The following HELQ variants were observed in gnomAD, a reference collection of about 807,000 sequenced individuals.
The protein encoded by HELQ is helicase, POLQ like.
In HELQ, 77 loss-of-function variants were observed where a neutral mutation model predicts 111.6. The ratio of observed to expected loss-of-function variants is 0.69; its 90% CI spans 0.57 to 0.83. The LOEUF (loss-of-function observed/expected upper bound fraction) is 0.83. Ranked by LOEUF, HELQ falls within the 40% of genes least tolerant of loss-of-function variation. The pLI, the probability that HELQ is intolerant of heterozygous loss-of-function variation, is 0.00. For synonymous variants in HELQ, 438 were observed against 454.7 expected, an observed-to-expected ratio of 0.96 and a Z score of 0.47; for missense variants, 1,200 against 1,288.5, an observed-to-expected ratio of 0.93 and a Z score of 1.05.
chr4:83,445,910 G>T, intron 5 of HELQ, 104 bp downstream of exon 5: 1 of 713,664 alleles, frequency 1.4e-6, no homozygotes, highest in Non-Finnish European at 2.4e-6. Flanking sequence ...AAAAGCTTAA[G>T]TATCTTGCTT....
intron 9 of HELQ, among the ~76,000 whole-genome samples, chr4:83,435,735 GAGT>G (rs1720418188): frequency 6.6e-6 from 1 of 152,138 alleles, no homozygotes; most frequent in Non-Finnish European, 1.5e-5. Context: ...TCATGGGGCA[GAGT>G]AGAATATACT....
intron 3 of HELQ, 22 bp downstream of exon 3, chr4:83,448,761 T>A (rs748310774): frequency 6.3e-6 from 10 of 1,585,728 alleles, no homozygotes; most frequent in Non-Finnish European, 8.6e-6. Flanking sequence ...ACATTTGTTT[T>A]AAAACATACA....
In HELQ at chr4:83,453,568, T is replaced by C. The variant is rs761261075; in HGVS notation, c.675A>G (p.Ser225=). Residue 225 remains serine, a synonymous_variant, in exon 2 of 18, where the codon TCA becomes TCG. Transcript: ENST00000295488. The part of the protein sequence containing the change: ...DHSMKERDWK[S]SSHNTVNEEL... ...CCTCATTCACAGTGTTGTGAGAGGATGACTTCCAATCCCTTTCTTTCATAG... is the reference window on the plus strand; with the variant it reads ...CCTCATTCACAGTGTTGTGAGAGGACGACTTCCAATCCCTTTCTTTCATAG... The C allele has an allele frequency of 2.5e-6, 4 of 1,613,348 alleles. No homozygotes were observed. Among genetic ancestry groups the C allele is most frequent in the Non-Finnish European group, 2.5e-6 (3 of 1,179,546 alleles).
At chr4:83,424,428 CTT>C (rs1046005142) in intron 14 of HELQ, among the ~76,000 whole-genome samples, 2 of 152,118 alleles carry the variant, frequency 1.3e-5, no homozygotes, top group Admixed American at 1.3e-4. Context: ...ACTACAGATA[CTT>C]TTATTTTTAT....
chr4:83,448,703 A>G (rs1188834301), intron 3 of HELQ, 80 bp downstream of exon 3: 9 of 1,243,736 alleles, frequency 7.2e-6, no homozygotes, highest in East Asian at 2.4e-5. Context: ...TCTCAACAAT[A>G]CAAAGTTATC....
In HELQ at chr4:83,446,930, G is replaced by C. The variant is rs768788709; in HGVS notation, c.1297C>G (p.Leu433Val). 2.5e-6 allele frequency: 4 copies of C among 1,611,722 alleles called. No individual in the cohort carries two copies. In the African/African-American group the frequency reaches 5.3e-5, roughly 22 times the overall value. The change falls in exon 4 of 18, where the codon CTC (leucine) becomes GTC (valine). Residue 433 changes from leucine (L) to valine (V), a missense_variant. Leu to Val is a conservative substitution (Grantham distance 32). This residue lies in a region of HELQ where 610 missense variants were observed against 607.1 expected (regional missense o/e 1.00). Coordinates refer to ENST00000295488, the MANE Select transcript of HELQ (RefSeq NM_133636.5). ...PPTKRREKKS[L>V]YIATIEKGHS... The stretch of plus-strand genomic sequence containing the variant: ...CCTTTTTCAATAGTGGCAATATAGA[G>C]TGATTTCTTTTCCCTTCTTTTAGTT...
chr4:83,412,518 T>C (rs1263770960), intron 17 of HELQ, among the ~76,000 whole-genome samples: 1 of 152,142 alleles, frequency 6.6e-6, no homozygotes, highest in Non-Finnish European at 1.5e-5. Context: ...TCTAATCTGA[T>C]CATTGGGTCT....
intron 3 of HELQ, among the ~76,000 whole-genome samples, chr4:83,448,297 T>G (rs1454126797): frequency 6.6e-6 from 1 of 152,248 alleles, no homozygotes; most frequent in Non-Finnish European, 1.5e-5. Context: ...TTTCAACAAC[T>G]GGTAATTAGT....
intron 2 of HELQ, among the ~76,000 whole-genome samples, chr4:83,452,299 A>C (rs1721427952): frequency 6.6e-6 from 1 of 150,514 alleles, no homozygotes; most frequent in Non-Finnish European, 1.5e-5. Context: ...ACTGTATTTT[A>C]TTGTGGCTCA....
rs1738849401 is a variant in HELQ at position 83,407,364 on chromosome 4, G to A, written c.*89C>T. ...GTAGTTCTTAATGTATAACTGAAAT[G>A]TATTTTTTCATTTATAAAGTATAAG... is the stretch of plus-strand genomic sequence containing the variant. On this transcript the variant is annotated 3_prime_UTR_variant, in exon 18 of 18. Coordinates refer to ENST00000295488, the MANE Select transcript of HELQ (RefSeq NM_133636.5). 8 of 764,124 alleles carry A rather than the reference G, an allele frequency of 1.0e-5. No homozygotes were observed. Among genetic ancestry groups the A allele is most frequent in the South Asian group, 7.9e-5 (4 of 50,640 alleles). The allele number at this position is 764,124 out of a possible 1,614,324, so 47.3% of individuals were successfully genotyped here.
intron 9 of HELQ, among the ~76,000 whole-genome samples, chr4:83,434,293 C>T (rs1720328188): frequency 6.6e-6 from 1 of 152,056 alleles, no homozygotes; most frequent in Non-Finnish European, 1.5e-5. Flanking sequence ...ATCGCTTGAA[C>T]CCAGGAGACA....
Position 83,446,944 on chromosome 4 carries a change from C to G in HELQ, c.1283G>C (p.Arg428Thr). Residue 428 changes from arginine (R) to threonine (T), a missense_variant, in exon 4 of 18, where the codon AGG becomes ACG. By Grantham distance (71) the Arg-to-Thr change is moderately conservative. Coordinates refer to ENST00000295488, the MANE Select transcript of HELQ (RefSeq NM_133636.5). ...SKGRFPPTKR[R>T]EKKSLYIATI... ...GGCAATATAGAGTGATTTCTTTTCC[C>G]TTCTTTTAGTTGGAGGAAATCTTCC... 1 of 1,612,918 alleles carries G rather than the reference C, an allele frequency of 6.2e-7. No individual in the cohort carries two copies. The highest frequency in any genetic ancestry group is 1.1e-5 in the South Asian group (1 of 91,056).
At chr4:83,423,552 T>G (rs1719656971) in intron 14 of HELQ, among the ~76,000 whole-genome samples, 1 of 152,162 alleles carries the variant, frequency 6.6e-6, no homozygotes, top group Non-Finnish European at 1.5e-5. Flanking sequence ...TTAGAATGTA[T>G]TTCCTAAGCC....
chr4:83,447,727 C>A (rs148511431), intron 3 of HELQ, among the ~76,000 whole-genome samples: 1 of 151,562 alleles, frequency 6.6e-6, no homozygotes, highest in African/African-American at 2.4e-5. Flanking sequence ...GGCGTGGTGG[C>A]GTGTGCTTGC....
chr4:83,416,670 T>C (rs1028722768), intron 17 of HELQ, 61 bp downstream of exon 17: 3 of 1,530,422 alleles, frequency 2.0e-6, no homozygotes, highest in African/African-American at 2.8e-5. Context: ...CTGATGTCTA[T>C]AATACAAGGA....
chr4:83,419,197 T>C (rs2109970256), intron 15 of HELQ, among the ~76,000 whole-genome samples: 1 of 150,558 alleles, frequency 6.6e-6, no homozygotes, highest in Admixed American at 6.6e-5. Context: ...CATAAGCTAT[T>C]GTTAGTGTAT....
chr4:83,445,131 G>A (rs1720984889), intron 5 of HELQ, among the ~76,000 whole-genome samples: 1 of 152,206 alleles, frequency 6.6e-6, no homozygotes, highest in Non-Finnish European at 1.5e-5. Context: ...CTGGAGAGTG[G>A]TGGCTGAGAA....
Position 83,439,934 on chromosome 4 carries a change from G to A in HELQ, c.1737C>T (p.Ser579=). ...TCTTACTAGGACAAAAAACTAAGCA[G>A]GAATAATTGGGAATAACTTCTGTCA... ...ALVTEVIPNY[S]CLVFCPSKKN... is the part of the protein sequence containing the mutation. The change falls in exon 8 of 18, where the codon TCC becomes TCT. Residue 579 remains serine, a synonymous_variant. Transcript: ENST00000295488. 3 of 1,608,390 alleles carry A rather than the reference G, an allele frequency of 1.9e-6. No individual in the cohort carries two copies. The highest frequency in any genetic ancestry group is 1.3e-5 in the African/African-American group (1 of 74,762).
Position 83,430,898 on chromosome 4 carries a change from CA to C in HELQ, c.2295+765del, listed in dbSNP as rs546879950. 2.0e-3 allele frequency among the ~76,000 whole-genome samples: 305 copies of C among 151,816 alleles called. 1 individual carries two copies. Among genetic ancestry groups the C allele is most frequent in the African/African-American group, 7.0e-3 (291 of 41,388 alleles). On this transcript the variant is annotated intron_variant, in intron 11 of 17. Transcript: ENST00000295488. ...CTGGGGGTGGAAGAGTGCAGGGGGG[CA>C]GGGGAACCTTTACTTGATCCCTCTA...
Sources: allele counts gnomAD v4.1 joint callset (sites outside exome capture counted in the v4.1 genomes callset), GRCh38; gene constraint gnomAD v4.1.1; regional missense constraint gnomAD v4.1.1; transcripts MANE v1.5; gene names NCBI Gene and HGNC (gene_info 2026-07-23, HGNC 2026-07-21).